The following BRD10 variants were observed in gnomAD, a reference collection of about 807,000 sequenced individuals.
The protein encoded by BRD10 is uncharacterized bromodomain-containing protein 10.
chr9:5,954,015 C>T, the BRD10 span: 1 of 1,541,108 alleles, frequency 6.5e-7, no homozygotes, highest in Non-Finnish European at 8.8e-7. Context: ...GAAACATTTA[C>T]CTGAAACTCT....
the BRD10 span, chr9:5,920,827 C>A: frequency 6.2e-7 from 1 of 1,613,932 alleles, no homozygotes; most frequent in Non-Finnish European, 8.5e-7. Flanking sequence ...TAGTTGAAAT[C>A]AGAACAGATG....
chr9:5,954,629 G>A, the BRD10 span, among the ~76,000 whole-genome samples: 1 of 152,072 alleles, frequency 6.6e-6, no homozygotes, highest in Non-Finnish European at 1.5e-5. Context: ...AATACCCAAA[G>A]TTTTAAAAGA....
the BRD10 span, among the ~76,000 whole-genome samples, chr9:5,934,539 T>A: frequency 6.6e-6 from 1 of 151,884 alleles, no homozygotes; most frequent in Non-Finnish European, 1.5e-5. Context: ...TAAATTTTTG[T>A]TTTTTCAGTA....
chr9:5,968,870 T>C, the BRD10 span: 3 of 1,613,386 alleles, frequency 1.9e-6, no homozygotes, highest in Non-Finnish European at 2.5e-6. Flanking sequence ...CCTGCATTCA[T>C]GGATAGGCTG....
chr9:5,996,035 A>G, the BRD10 span, among the ~76,000 whole-genome samples: 4 of 152,210 alleles, frequency 2.6e-5, no homozygotes, highest in African/African-American at 9.7e-5. Flanking sequence ...TGAGATAACA[A>G]TTACACAACC....
the BRD10 span, among the ~76,000 whole-genome samples, chr9:5,916,526 TA>T: frequency 6.8e-6 from 1 of 146,886 alleles, no homozygotes; most frequent in Non-Finnish European, 1.5e-5. Flanking sequence ...CATATGTGTG[TA>T]TATATATGTA....
chr9:5,932,253 G>A, the BRD10 span, among the ~76,000 whole-genome samples: 2 of 151,506 alleles, frequency 1.3e-5, no homozygotes, highest in South Asian at 2.1e-4. Context: ...TCATATACAC[G>A]GACAAGGGAA....
the BRD10 span, among the ~76,000 whole-genome samples, chr9:5,900,586 G>A: frequency 6.6e-5 from 10 of 151,898 alleles, no homozygotes; most frequent in African/African-American, 2.4e-4. Flanking sequence ...ATGAGCTTTG[G>A]GCATGTGAAT....
chr9:5,953,539 A>T, the BRD10 span, among the ~76,000 whole-genome samples: 1 of 152,094 alleles, frequency 6.6e-6, no homozygotes, highest in African/African-American at 2.4e-5. Flanking sequence ...AAGAGTTGAA[A>T]GATTTGTTTT....
At chr9:5,919,649 C>T in the BRD10 span, 4 of 1,545,678 alleles carry the variant, frequency 2.6e-6, no homozygotes, top group Non-Finnish European at 1.7e-6. Context: ...AAAACAATGC[C>T]CCATTATTTA....
At chr9:5,879,166 T>C in the BRD10 span, among the ~76,000 whole-genome samples, 7 of 151,964 alleles carry the variant, frequency 4.6e-5, no homozygotes, top group African/African-American at 1.7e-4. Context: ...CAAAGAAACA[T>C]CAAGAAACAC....
chr9:5,954,032 G>A, the BRD10 span: 2 of 1,565,878 alleles, frequency 1.3e-6, no homozygotes, highest in South Asian at 2.3e-5. Context: ...CTCTGGTACA[G>A]TAGGTGACTT....
At chr9:5,922,860 T>C in the BRD10 span, 185 of 1,613,878 alleles carry the variant, frequency 1.1e-4, 1 homozygote, top group Non-Finnish European at 2.8e-5. Context: ...TTTATCGGGC[T>C]TGCTTCCGGA....
At chr9:5,918,410 C>G in the BRD10 span, among the ~76,000 whole-genome samples, 1 of 152,096 alleles carries the variant, frequency 6.6e-6, no homozygotes, top group African/African-American at 2.4e-5. Context: ...ATAAAAGCTA[C>G]CTTTTATTTA....
the BRD10 span, among the ~76,000 whole-genome samples, chr9:5,966,990 G>A: frequency 6.6e-6 from 1 of 152,050 alleles, no homozygotes. Flanking sequence ...TTATATACAT[G>A]TTTTAAAACA....
the BRD10 span, among the ~76,000 whole-genome samples, chr9:5,977,870 T>C: frequency 0.015 from 1,290 of 88,726 alleles, 12 homozygotes; most frequent in African/African-American, 0.041. Context: ...ACATCACATT[T>C]TGCTGGTAAG....
chr9:5,991,019 G>C, the BRD10 span, among the ~76,000 whole-genome samples: 14 of 152,216 alleles, frequency 9.2e-5, no homozygotes, highest in African/African-American at 3.4e-4. Context: ...CAACATGGAA[G>C]AGCATCCATC....
the BRD10 span, among the ~76,000 whole-genome samples, chr9:5,923,866 A>G: frequency 3.3e-4 from 50 of 152,350 alleles, 1 homozygote; most frequent in Admixed American, 2.9e-3. Context: ...ATGGAAAACA[A>G]TAAGTTAATG....
chr9:5,881,418 G>C, the BRD10 span, among the ~76,000 whole-genome samples: 1 of 152,286 alleles, frequency 6.6e-6, no homozygotes, highest in South Asian at 2.1e-4. Flanking sequence ...GTGGTCCACA[G>C]CCTAACAGTT....
Sources: gnomAD v4.1 joint callset for allele counts (sites outside exome capture counted in the v4.1 genomes callset) on GRCh38, gnomAD v4.1.1 for gene constraint, MANE v1.5 for transcripts, NCBI Gene and HGNC (gene_info 2026-07-23, HGNC 2026-07-21) for gene names.